The following SCFD2 variants were observed in gnomAD, a reference collection of about 807,000 sequenced individuals.
SCFD2 encodes sec1 family domain containing 2.
Under a neutral mutation model 58.9 loss-of-function variants are expected in SCFD2, and 54 were observed. That is an observed-to-expected ratio of 0.92 (90% confidence interval 0.74 to 1.15). The LOEUF (loss-of-function observed/expected upper bound fraction) is 1.15. Among genes scored for constraint, SCFD2 ranks in the 50% most tolerant of loss-of-function variants. SCFD2 has a pLI of 0.00. For missense variants in SCFD2, 805 were observed against 836.6 expected, an observed-to-expected ratio of 0.96 and a Z score of 0.47; for synonymous variants, 321 against 335.9, an observed-to-expected ratio of 0.96 and a Z score of 0.49.
chr4:53,037,711 T>A (rs6822707), intron 5 of SCFD2, among the ~76,000 whole-genome samples: 32,345 of 152,054 alleles, frequency 0.21, 5,720 homozygotes, highest in African/African-American at 0.49. Flanking sequence ...GTAAAAGTGA[T>A]GCTTTTACAG....
chr4:53,275,626 A>G (rs1185493720), intron 3 of SCFD2, among the ~76,000 whole-genome samples: 1 of 152,224 alleles, frequency 6.6e-6, no homozygotes, highest in African/African-American at 2.4e-5. Context: ...AATACAGAAC[A>G]TTCCCATCAT....
chr4:53,361,167 A>G (rs966627783), intron 1 of SCFD2, among the ~76,000 whole-genome samples: 5 of 152,230 alleles, frequency 3.3e-5, no homozygotes. Flanking sequence ...CTAACAATAC[A>G]AAACTAACTC....
rs567888822 is a variant in SCFD2, at chr4:53,352,630, A to T, written c.975T>A (p.Asn325Lys). The change falls in exon 2 of 9, where the codon AAT becomes AAA. Residue 325 changes from asparagine to lysine, a missense_variant. Asn to Lys is a moderately conservative substitution (Grantham distance 94, BLOSUM62 0). This residue lies in a region of SCFD2 where 633 missense variants were observed against 646.8 expected (regional missense o/e 0.98). Coordinates refer to ENST00000401642, the MANE Select transcript of SCFD2 (RefSeq NM_152540.4). ...TALHTEEENY[N>K]VVAPGCLSQS... ...GTGAAAGACAGCCTGGTGCAACCACATTATAATTTTCCTCCTCAGTATGGA... is the reference window on the plus strand; with the variant it reads ...GTGAAAGACAGCCTGGTGCAACCACTTTATAATTTTCCTCCTCAGTATGGA... 8 of 1,613,784 alleles carry T rather than the reference A, an allele frequency of 5.0e-6. No homozygotes were observed. Among genetic ancestry groups the T allele is most frequent in the Non-Finnish European group, 5.9e-6 (7 of 1,179,860 alleles).
chr4:52,962,385 C>G (rs377725244), intron 5 of SCFD2, among the ~76,000 whole-genome samples: 1 of 152,172 alleles, frequency 6.6e-6, no homozygotes, highest in Non-Finnish European at 1.5e-5. Flanking sequence ...ACTCCTGGTA[C>G]CTTACAAACT....
chr4:52,972,389 T>C (rs1312734455), intron 5 of SCFD2, among the ~76,000 whole-genome samples: 1 of 151,972 alleles, frequency 6.6e-6, no homozygotes, highest in African/African-American at 2.4e-5. Context: ...AAAACAGACT[T>C]TAAAGCAACA....
intron 5 of SCFD2, among the ~76,000 whole-genome samples, chr4:52,924,976 A>G (rs1168048766): frequency 6.6e-6 from 1 of 152,202 alleles, no homozygotes; most frequent in Non-Finnish European, 1.5e-5. Context: ...TTCCGTGATA[A>G]TAGTAGTATA....
At chr4:53,013,724 T>A (rs1213889524) in intron 5 of SCFD2, among the ~76,000 whole-genome samples, 1 of 152,176 alleles carries the variant, frequency 6.6e-6, no homozygotes, top group African/African-American at 2.4e-5. Context: ...ATTAGGCCCA[T>A]CTCCTCATTT....
chr4:53,164,935 G>A (rs565620316), intron 4 of SCFD2, among the ~76,000 whole-genome samples: 5 of 152,072 alleles, frequency 3.3e-5, no homozygotes, highest in African/African-American at 4.8e-5. Context: ...CCTTACAAAC[G>A]ATTCTAAGTA....
At chr4:53,248,865 C>T (rs947162392) in intron 4 of SCFD2, among the ~76,000 whole-genome samples, 1 of 152,192 alleles carries the variant, frequency 6.6e-6, no homozygotes, top group Non-Finnish European at 1.5e-5. Flanking sequence ...AAAAACAGAA[C>T]AGAAAAACTC....
chr4:53,047,246 A>AAGCCAGGAGTTC, intron 5 of SCFD2, among the ~76,000 whole-genome samples: 1 of 152,222 alleles, frequency 6.6e-6, no homozygotes, highest in Non-Finnish European at 1.5e-5. Flanking sequence ...CCAGGAGTTC[A>AAGCCAGGAGTTC]AAACCAGCTT....
intron 5 of SCFD2, among the ~76,000 whole-genome samples, chr4:53,033,894 G>A (rs1337959483): frequency 6.6e-6 from 1 of 152,156 alleles, no homozygotes; most frequent in African/African-American, 2.4e-5. Flanking sequence ...ACAAAGAGGA[G>A]CTGGTACCAT....
At chr4:52,894,282 T>C (rs914046294) in intron 7 of SCFD2, among the ~76,000 whole-genome samples, 1 of 152,224 alleles carries the variant, frequency 6.6e-6, no homozygotes, top group Non-Finnish European at 1.5e-5. Context: ...AAGGGCCTCA[T>C]GCAGTTTCAT....
intron 4 of SCFD2, among the ~76,000 whole-genome samples, chr4:53,230,208 G>T (rs1729385817): frequency 6.6e-6 from 1 of 152,206 alleles, no homozygotes; most frequent in Non-Finnish European, 1.5e-5. Flanking sequence ...GTGGAAGTCA[G>T]TGTGGCGATT....
At chr4:53,053,370 ATTTCATTAGGC>A (rs1560315294) in intron 5 of SCFD2, among the ~76,000 whole-genome samples, 1 of 152,080 alleles carries the variant, frequency 6.6e-6, no homozygotes, top group Non-Finnish European at 1.5e-5. Context: ...ACATATGAAA[ATTTCATTAGGC>A]TGTAAACTTA....
intron 5 of SCFD2, among the ~76,000 whole-genome samples, chr4:52,959,471 C>G (rs540495063): frequency 1.3e-5 from 2 of 152,042 alleles, no homozygotes; most frequent in Non-Finnish European, 2.9e-5. Context: ...CTGAGAACCC[C>G]GTGTACATGA....
At chr4:53,084,458 T>C (rs1724242821) in intron 5 of SCFD2, among the ~76,000 whole-genome samples, 1 of 152,176 alleles carries the variant, frequency 6.6e-6, no homozygotes. Context: ...CACACATGTT[T>C]TACAATCAGT....
intron 4 of SCFD2, among the ~76,000 whole-genome samples, chr4:53,250,325 G>A (rs1332528226): frequency 6.6e-6 from 1 of 152,074 alleles, no homozygotes; most frequent in Non-Finnish European, 1.5e-5. Context: ...CCTACAAAGA[G>A]ACTTAGACTC....
chr4:53,225,318 T>C (rs1212319922), intron 4 of SCFD2, among the ~76,000 whole-genome samples: 2 of 152,184 alleles, frequency 1.3e-5, no homozygotes, highest in Non-Finnish European at 1.5e-5. Flanking sequence ...GTAAATTACA[T>C]CTCAGCATTG....
At chr4:52,909,843 A>G (rs1324270921) in intron 6 of SCFD2, among the ~76,000 whole-genome samples, 1 of 152,156 alleles carries the variant, frequency 6.6e-6, no homozygotes, top group Non-Finnish European at 1.5e-5. Flanking sequence ...AGATAATTTA[A>G]TAAATATTAT....
Sources: allele counts gnomAD v4.1 joint callset (sites outside exome capture counted in the v4.1 genomes callset), GRCh38; gene constraint gnomAD v4.1.1; regional missense constraint gnomAD v4.1.1; transcripts MANE v1.5; gene names NCBI Gene and HGNC (gene_info 2026-07-23, HGNC 2026-07-21).